The following CADM2 variants were observed in gnomAD, a reference collection of about 807,000 sequenced individuals.
The protein encoded by CADM2 is cell adhesion molecule 2.
CADM2 carries 12 observed loss-of-function variants against 49.8 expected under a neutral mutation model. That is an observed-to-expected ratio of 0.24 (90% CI 0.15 to 0.39). The LOEUF (loss-of-function observed/expected upper bound fraction) is 0.39. CADM2 is among the 10% of genes least tolerant of loss of function. The pLI, the probability that CADM2 is intolerant of heterozygous loss-of-function variation, is 1.00. For missense variants in CADM2, 378 were observed against 492.3 expected, an observed-to-expected ratio of 0.77 and a Z score of 2.20; for synonymous variants, 214 against 175.4, an observed-to-expected ratio of 1.22 and a Z score of -1.74.
chr3:85,240,605 A>G (rs546010712), intron 1 of CADM2, among the ~76,000 whole-genome samples: 59 of 151,626 alleles, frequency 3.9e-4, no homozygotes, highest in African/African-American at 1.2e-3. Flanking sequence ...AGCAATATCA[A>G]TGGGGCAAGG....
At chr3:85,584,468 G>T (rs2062882080) in intron 1 of CADM2, among the ~76,000 whole-genome samples, 1 of 151,950 alleles carries the variant, frequency 6.6e-6, no homozygotes, top group African/African-American at 2.4e-5. Context: ...TAACTACTTG[G>T]TTTTATTTGT....
At chr3:85,057,801 A>G (rs1354857413) in intron 1 of CADM2, among the ~76,000 whole-genome samples, 1 of 152,168 alleles carries the variant, frequency 6.6e-6, no homozygotes, top group Non-Finnish European at 1.5e-5. Flanking sequence ...TTTATTGAAT[A>G]GTTCACATCT....
chr3:85,806,552 AT>A (rs1288993752), intron 3 of CADM2, among the ~76,000 whole-genome samples: 1 of 152,140 alleles, frequency 6.6e-6, no homozygotes, highest in Non-Finnish European at 1.5e-5. Context: ...GTAAAGGAGA[AT>A]TAGGCTGAAC....
intron 1 of CADM2, among the ~76,000 whole-genome samples, chr3:85,229,686 G>A (rs2042241622): frequency 6.6e-6 from 1 of 152,302 alleles, no homozygotes; most frequent in East Asian, 1.9e-4. Context: ...TAATAACAAG[G>A]ATTGATGCCA....
At chr3:85,101,615 AT>A (rs1396376925) in intron 1 of CADM2, among the ~76,000 whole-genome samples, 2 of 152,180 alleles carry the variant, frequency 1.3e-5, no homozygotes, top group African/African-American at 2.4e-5. Flanking sequence ...TGTCTAATCA[AT>A]TTCTTTCAAA....
intron 1 of CADM2, among the ~76,000 whole-genome samples, chr3:85,235,547 T>A (rs2107823251): frequency 6.6e-6 from 1 of 152,256 alleles, no homozygotes; most frequent in African/African-American, 2.4e-5. Flanking sequence ...GCACTGTATT[T>A]GATTTTATCT....
chr3:85,809,483 C>T (rs951577374), intron 3 of CADM2, among the ~76,000 whole-genome samples: 4 of 151,818 alleles, frequency 2.6e-5, no homozygotes, highest in African/African-American at 9.7e-5. Context: ...CCCAGCTACT[C>T]GGGAGTCTGA....
At chr3:85,310,278 A>C (rs2044311585) in intron 1 of CADM2, among the ~76,000 whole-genome samples, 1 of 150,998 alleles carries the variant, frequency 6.6e-6, no homozygotes, top group African/African-American at 2.4e-5. Context: ...GATACTGATG[A>C]TAAAATTTCA....
chr3:85,958,627 A>G (rs1724376944), intron 7 of CADM2, among the ~76,000 whole-genome samples: 1 of 152,022 alleles, frequency 6.6e-6, no homozygotes, highest in African/African-American at 2.4e-5. Context: ...TGTTTACAAT[A>G]GCAAAGACTT....
At chr3:85,776,917 A>C (rs2107976470) in intron 2 of CADM2, among the ~76,000 whole-genome samples, 1 of 152,234 alleles carries the variant, frequency 6.6e-6, no homozygotes, top group Non-Finnish European at 1.5e-5. Flanking sequence ...ACACGCCTGA[A>C]AGTTCTGCTA....
chr3:85,384,811 C>A lies in CADM2; in HGVS notation c.62-341711C>A, dbSNP rs187336350. On this transcript the variant is annotated intron_variant, in intron 1 of 9. Transcript: ENST00000383699. ...CTTTATAAACAAAAGCTTTAAATTT[C>A]AAATTACTGGAATTTATTGACCTTT... Among the ~76,000 whole-genome samples, 9 of 151,582 alleles carry A rather than the reference C, an allele frequency of 5.9e-5. No individual in the cohort carries two copies. In the East Asian group the frequency reaches 1.5e-3, roughly 26 times the overall value.
At chr3:85,476,680 G>A (rs1031665337) in intron 1 of CADM2, among the ~76,000 whole-genome samples, 2 of 151,838 alleles carry the variant, frequency 1.3e-5, no homozygotes, top group African/African-American at 4.8e-5. Flanking sequence ...TTAAGAATTA[G>A]TTGCAAAACA....
At chr3:85,746,123 C>A (rs1382471188) in intron 2 of CADM2, among the ~76,000 whole-genome samples, 1 of 152,100 alleles carries the variant, frequency 6.6e-6, no homozygotes, top group Non-Finnish European at 1.5e-5. Context: ...TTAACAACTT[C>A]AATTTAAAAT....
chr3:85,535,281 A>G (rs1416670178), intron 1 of CADM2, among the ~76,000 whole-genome samples: 1 of 152,174 alleles, frequency 6.6e-6, no homozygotes, highest in Non-Finnish European at 1.5e-5. Flanking sequence ...ATTTCTCCTA[A>G]TCAGAAGGTG....
intron 1 of CADM2, among the ~76,000 whole-genome samples, chr3:85,586,717 A>G (rs1385839009): frequency 6.6e-6 from 1 of 152,118 alleles, no homozygotes; most frequent in Non-Finnish European, 1.5e-5. Flanking sequence ...AAACAGCTAT[A>G]TGGCTCAATT....
intron 1 of CADM2, among the ~76,000 whole-genome samples, chr3:85,497,818 A>G (rs1197675736): frequency 6.6e-6 from 1 of 152,120 alleles, no homozygotes; most frequent in Non-Finnish European, 1.5e-5. Context: ...AAAGCTATCT[A>G]TCTGTCTATC....
At chr3:85,728,274 C>T (rs775021301) in intron 2 of CADM2, among the ~76,000 whole-genome samples, 1 of 152,126 alleles carries the variant, frequency 6.6e-6, no homozygotes, top group African/African-American at 2.4e-5. Context: ...CAGTGTTCCA[C>T]ACTTAGCCAT....
At chr3:85,385,877 G>A (rs914638956) in intron 1 of CADM2, 1 of 147,376 alleles carries the variant, frequency 6.8e-6, no homozygotes, top group Non-Finnish European at 1.5e-5. Flanking sequence ...AAAATTGGAT[G>A]TTATTCTGAA....
In CADM2 at chr3:85,530,188, CACTT is replaced by C. The variant is rs959041690; in HGVS notation, c.62-196333_62-196330del. Among the ~76,000 whole-genome samples, 11 of 152,178 alleles carry C rather than the reference CACTT, an allele frequency of 7.2e-5. No homozygotes were observed. In the East Asian group the frequency reaches 1.2e-3, roughly 16 times the overall value. ...AGTGTCTGACAGTTCCTTTTTCACA[CACTT>C]GCTTGCTCTGAAATACCTGCCGCCA... On this transcript the variant is annotated intron_variant, in intron 1 of 9. Transcript: ENST00000383699.
Sources: gnomAD v4.1 joint callset for allele counts (sites outside exome capture counted in the v4.1 genomes callset) on GRCh38, gnomAD v4.1.1 for gene constraint, MANE v1.5 for transcripts, NCBI Gene and HGNC (gene_info 2026-07-23, HGNC 2026-07-21) for gene names.